The following FASTKD2 variants were observed in gnomAD, a reference collection of about 807,000 sequenced individuals.
FASTKD2 encodes FAST kinase domain-containing protein 2, mitochondrial.
In FASTKD2, 51 loss-of-function variants were observed where a neutral mutation model predicts 63.6. That is an observed-to-expected ratio of 0.80 (90% CI 0.64 to 1.01). The LOEUF (loss-of-function observed/expected upper bound fraction) is 1.01. Among genes scored for constraint, FASTKD2 ranks in the 50% least tolerant of loss-of-function variants. The probability of loss-of-function intolerance (pLI) is 0.00; values close to 1 mark genes in which losing one functional copy is unlikely to be tolerated. For missense variants in FASTKD2, 786 were observed against 831.1 expected (o/e 0.95, Z 0.67); for synonymous variants, 284 against 293.4 (o/e 0.97, Z 0.33).
Position 206,766,693 on chromosome 2 carries a change from C to T in FASTKD2, c.-1C>T. ...TCACTAGTAGAAGTGACGTTGGTTT[C>T]ATGTTGACAACTTTGAAGCCATTTG... On this transcript the variant is annotated 5_prime_UTR_variant, in exon 2 of 12. Transcript: ENST00000402774. The T allele has an allele frequency of 3.7e-6, 6 of 1,613,894 alleles. No homozygotes were observed. In the South Asian group the frequency reaches 5.5e-5, roughly 15 times the overall value.
At chr2:206,774,458 A>G (rs1192787505) in intron 7 of FASTKD2, 61 bp downstream of exon 7, 1 of 1,078,676 alleles carries the variant, frequency 9.3e-7, no homozygotes, top group Non-Finnish European at 1.4e-6. Flanking sequence ...AAGGTTATAA[A>G]TCATAAGCTT....
rs565857904 is a variant in FASTKD2, at chr2:206,767,195, G to A, written c.502G>A (p.Asp168Asn). 1 of 1,614,216 alleles carries A rather than the reference G, an allele frequency of 6.2e-7. No homozygotes were observed. The highest frequency in any genetic ancestry group is 1.1e-5 in the South Asian group (1 of 91,088). ...KLSEECNSLS[D>N]VLDAFSKAPT... is the part of the protein sequence containing the mutation. ...GTCTGAGGAATGTAATTCCCTGAGT[G>A]ATGTGTTAGATGCATTTTCAAAAGC... The change falls in exon 2 of 12, where the codon GAT becomes AAT. Residue 168 changes from aspartate to asparagine, a missense_variant. Transcript: ENST00000402774.
At chr2:206,775,391 T>C (rs1455111197) in intron 7 of FASTKD2, among the ~76,000 whole-genome samples, 1 of 151,986 alleles carries the variant, frequency 6.6e-6, no homozygotes, top group Non-Finnish European at 1.5e-5. Context: ...ATTCTGTTGA[T>C]ATGATGTATC....
intron 11 of FASTKD2, chr2:206,791,330 G>T: frequency 4.1e-6 from 1 of 243,318 alleles, no homozygotes; most frequent in Non-Finnish European, 8.0e-6. Flanking sequence ...TATTGGAAAT[G>T]GATTACGTGT....
rs754128949 is a variant in FASTKD2, at chr2:206,770,173, A to G, written c.860A>G (p.His287Arg). The change falls in exon 3 of 12, where the codon CAT becomes CGT. Residue 287 changes from histidine to arginine, a missense_variant. Coordinates refer to ENST00000402774, the MANE Select transcript of FASTKD2 (RefSeq NM_001136193.2). ...GCAATGGAACCATGCAAGAATGTTC[A>G]TGTTCTACGAACGGGATTCAGGTGA... Reference protein sequence around the residue: ...LEAMEPCKNVHVLRTGFRILV... With the variant: ...LEAMEPCKNVRVLRTGFRILV... 5 of 1,606,654 alleles carry G rather than the reference A, an allele frequency of 3.1e-6. No homozygotes were observed. Among genetic ancestry groups the G allele is most frequent in the Non-Finnish European group, 4.3e-6 (5 of 1,173,148 alleles).
chr2:206,780,839 A>C (rs1216860547), intron 7 of FASTKD2, among the ~76,000 whole-genome samples: 1 of 151,378 alleles, frequency 6.6e-6, no homozygotes, highest in Admixed American at 6.6e-5. Flanking sequence ...GTAATTTCAC[A>C]TGACCTGCTT....
At position 206,777,750 on chromosome 2, in the gene FASTKD2, T is replaced by A. The variant is rs149900428; in HGVS notation, c.1427+3353T>A. ...GTTAATTCTTCTCACAATGTTTGGT[T>A]GACTTCAGCAATGAAGCTATCTAGT... On this transcript the variant is annotated intron_variant, in intron 7 of 11. Coordinates refer to ENST00000402774, the MANE Select transcript of FASTKD2 (RefSeq NM_001136193.2). Among the ~76,000 whole-genome samples, 348 of 152,316 alleles carry A rather than the reference T, an allele frequency of 2.3e-3. 2 individuals carry two copies. Among genetic ancestry groups the A allele is most frequent in the African/African-American group, 7.9e-3 (328 of 41,584 alleles).
In FASTKD2 at chr2:206,767,254, A is replaced by G; in HGVS notation, c.561A>G (p.Ala187=). 1 of 1,614,214 alleles carries G rather than the reference A, an allele frequency of 6.2e-7. No homozygotes were observed. Among genetic ancestry groups the G allele is most frequent in the Non-Finnish European group, 8.5e-7 (1 of 1,180,012 alleles). Residue 187 remains alanine (A), a synonymous_variant, in exon 2 of 12, where the codon GCA becomes GCG. Coordinates refer to ENST00000402774, the MANE Select transcript of FASTKD2 (RefSeq NM_001136193.2). ...PTFPSSNYFT[A]MWTIAKRLSD... is the part of the protein sequence containing the mutation. ...TTCCTAGTAGCAACTATTTCACAGC[A>G]ATGTGGACAATTGCCAAAAGACTGT...
Position 206,767,156 on chromosome 2 carries a change from A to T in FASTKD2, c.463A>T (p.Ser155Cys), listed in dbSNP as rs202197400. 1 of 1,614,226 alleles carries T rather than the reference A, an allele frequency of 6.2e-7. No homozygotes were observed. Among genetic ancestry groups the T allele is most frequent in the Middle Eastern group, 1.6e-4 (1 of 6,062 alleles). The change falls in exon 2 of 12, where the codon AGC becomes TGC. Residue 155 changes from serine to cysteine, a missense_variant. Ser to Cys is a moderately radical substitution (Grantham distance 112). Transcript: ENST00000402774. ...LTKETKPNRISSRKLSEECNS... is the reference protein window; with the variant it reads ...LTKETKPNRICSRKLSEECNS... ...CAAGGAAACAAAACCAAACCGTATC[A>T]GCAGTAGAAAACTGTCTGAGGAATG...
intron 6 of FASTKD2, 103 bp downstream of exon 6, chr2:206,772,423 C>A: frequency 8.9e-7 from 1 of 1,120,172 alleles, no homozygotes; most frequent in Non-Finnish European, 1.3e-6. Context: ...AGTTAAGATA[C>A]CAAAATATTC....
rs1407390367 is a variant in FASTKD2 at position 206,767,324 on chromosome 2, CCTGCATTTAATCAGCT to C, written c.635_650del (p.Ala212ValfsTer4). 6.2e-7 allele frequency: 1 copy of C among 1,614,130 alleles called. No individual in the cohort carries two copies. The highest frequency in any genetic ancestry group is 8.5e-7 in the Non-Finnish European group (1 of 1,180,022). ...TGAAAAACGACTGATGTTTAGCCAC[CCTGCATTTAATCAGCT>C]CTGTGAACATATGATGAGAGAAGCC... On this transcript the variant is annotated frameshift_variant, in exon 2 of 12. Coordinates refer to ENST00000402774, the MANE Select transcript of FASTKD2 (RefSeq NM_001136193.2). LOFTEE classifies it high-confidence loss of function.
At chr2:206,789,729 G>T (rs2105988599) in intron 10 of FASTKD2, 2 of 152,198 alleles carry the variant, frequency 1.3e-5, no homozygotes, top group Admixed American at 1.3e-4. Context: ...CTTATTTCTT[G>T]GCCATCTTTT....
intron 7 of FASTKD2, among the ~76,000 whole-genome samples, chr2:206,785,025 TC>T (rs1690100993): frequency 6.6e-6 from 1 of 152,142 alleles, no homozygotes; most frequent in South Asian, 2.1e-4. Context: ...GACTCACAGT[TC>T]CACATGGCTG....
rs182441753 is a variant in FASTKD2 at position 206,767,377 on chromosome 2, G to C, written c.684G>C (p.Gln228His). 80 of 1,613,850 alleles carry C rather than the reference G, an allele frequency of 5.0e-5. No individual in the cohort carries two copies. The Admixed American group carries it at 1.3e-3, about 27-fold the overall frequency. The change falls in exon 2 of 12, where the codon CAG (glutamine) becomes CAC (histidine). Residue 228 changes from glutamine (Q) to histidine (H), a missense_variant. Gln to His is a conservative substitution (Grantham distance 24). Coordinates refer to ENST00000402774, the MANE Select transcript of FASTKD2 (RefSeq NM_001136193.2). Reference sequence around the variant, plus strand: ...TGATGAGAGAAGCCAAGATCATGCAGTATAAGTACCTACTGTTCAGTCTTC... The same window carrying C: ...TGATGAGAGAAGCCAAGATCATGCACTATAAGTACCTACTGTTCAGTCTTC... ...EHMMREAKIM[Q>H]YKYLLFSLHA...
chr2:206,782,208 A>G (rs1338752195), intron 7 of FASTKD2, among the ~76,000 whole-genome samples: 1 of 152,188 alleles, frequency 6.6e-6, no homozygotes, highest in Non-Finnish European at 1.5e-5. Context: ...GAGAAGTCCT[A>G]GGCCAAGGTG....
rs886055522 is a variant in FASTKD2 at position 206,795,274 on chromosome 2, C to T, written c.*3472C>T. 6.6e-6 allele frequency among the ~76,000 whole-genome samples: 1 copy of T among 152,160 alleles called. No homozygotes were observed. The highest frequency in any genetic ancestry group is 1.5e-5 in the Non-Finnish European group (1 of 68,012). On this transcript the variant is annotated 3_prime_UTR_variant, in exon 12 of 12. Transcript: ENST00000402774. Reference sequence around the variant, plus strand: ...CCTGAGACGGAGTCGTGGTCTGTCGCCCAGGCTGGAGTGCTGTGGCGTGAT... The same window carrying T: ...CCTGAGACGGAGTCGTGGTCTGTCGTCCAGGCTGGAGTGCTGTGGCGTGAT...
intron 7 of FASTKD2, among the ~76,000 whole-genome samples, chr2:206,779,034 TG>T (rs1689898188): frequency 6.6e-6 from 1 of 152,150 alleles, no homozygotes; most frequent in South Asian, 2.1e-4. Flanking sequence ...TTATTGAAAG[TG>T]GGGTTATTGA....
At chr2:206,769,280 TA>T (rs1179307486) in intron 2 of FASTKD2, among the ~76,000 whole-genome samples, 1 of 152,230 alleles carries the variant, frequency 6.6e-6, no homozygotes, top group Non-Finnish European at 1.5e-5. Flanking sequence ...CTTCTAACCA[TA>T]ACCATTTCTT....
At chr2:206,786,228 A>G (rs891013523) in intron 7 of FASTKD2, among the ~76,000 whole-genome samples, 4 of 152,154 alleles carry the variant, frequency 2.6e-5, no homozygotes, top group African/African-American at 9.7e-5. Context: ...ACTGTGTACC[A>G]TTAGCTGTGG....
Sources: allele counts gnomAD v4.1 joint callset (sites outside exome capture counted in the v4.1 genomes callset), GRCh38; gene constraint gnomAD v4.1.1; transcripts MANE v1.5; gene names NCBI Gene and HGNC (gene_info 2026-07-23, HGNC 2026-07-21).